CHUK: variants seen among roughly 807,000 people sequenced by gnomAD.
CHUK encodes component of inhibitor of nuclear factor kappa B kinase complex, also known as inhibitor of nuclear factor kappa-B kinase subunit alpha.
Under a neutral mutation model 104.8 loss-of-function variants are expected in CHUK, and 35 were observed. The observed-to-expected ratio is 0.33, with a 90% confidence interval of 0.26 to 0.44. The LOEUF (loss-of-function observed/expected upper bound fraction) is 0.44, where lower values mean the gene tolerates loss of function less well. Among genes scored for constraint, CHUK ranks in the 20% least tolerant of loss-of-function variants. The pLI, the probability that CHUK is intolerant of heterozygous loss-of-function variation, is 1.00. For missense variants in CHUK, 663 were observed against 902.7 expected (o/e 0.73, Z 3.40); for synonymous variants, 276 against 291.9 (o/e 0.95, Z 0.56).
chr10:100,222,191 GA>G lies in CHUK; in HGVS notation c.316-11del. 6.4e-7 allele frequency: 1 copy of G among 1,559,600 alleles called. No homozygotes were observed. ...CTGGTTTGTTGAGCAGCTAAAAAAA[GA>G]AAGAAATCTAAAAATCTGTTCTGCA... is the stretch of plus-strand genomic sequence containing the variant. On this transcript the variant is annotated splice_polypyrimidine_tract_variant and intron_variant, in intron 3 of 20. Transcript: ENST00000370397.
intron 20 of CHUK, 55 bp downstream of exon 20, chr10:100,190,814 A>G: frequency 1.0e-6 from 1 of 989,214 alleles, no homozygotes; most frequent in South Asian, 1.3e-5. Context: ...TGGAAAGTTA[A>G]ACCTTTTGCA....
At chr10:100,205,401 C>T (rs17882978) in intron 11 of CHUK, among the ~76,000 whole-genome samples, 308 of 152,286 alleles carry the variant, frequency 2.0e-3, no homozygotes, top group African/African-American at 7.1e-3. Flanking sequence ...ACTTAAGCCC[C>T]GCTCCACATA....
At chr10:100,227,411 A>G (rs1048562919) in intron 1 of CHUK, among the ~76,000 whole-genome samples, 4 of 151,316 alleles carry the variant, frequency 2.6e-5, no homozygotes, top group African/African-American at 9.9e-5. Context: ...AAAGTGATTA[A>G]TTCATCCATC....
intron 1 of CHUK, 114 bp downstream of exon 1, chr10:100,229,314 A>G: frequency 1.3e-6 from 1 of 789,764 alleles, no homozygotes; most frequent in Non-Finnish European, 2.2e-6. Flanking sequence ...GCCCCCAAAT[A>G]CTGCCCAAGG....
At chr10:100,204,973 T>A (rs1213115262) in intron 12 of CHUK, 103 bp downstream of exon 12, 2 of 1,338,874 alleles carry the variant, frequency 1.5e-6, no homozygotes, top group East Asian at 4.6e-5. Context: ...TGGCCCAGTA[T>A]GTTACTATTA....
intron 2 of CHUK, among the ~76,000 whole-genome samples, chr10:100,225,280 A>ACCTT (rs1335400795): frequency 2.6e-5 from 4 of 152,210 alleles, no homozygotes; most frequent in African/African-American, 9.7e-5. Context: ...CCTCTGGCAA[A>ACCTT]CACCATTCTA....
chr10:100,213,215 T>TC, intron 9 of CHUK, among the ~76,000 whole-genome samples: 1 of 152,134 alleles, frequency 6.6e-6, no homozygotes, highest in East Asian at 1.9e-4. Flanking sequence ...GCGCGGTGGC[T>TC]CACACCTGTA....
At chr10:100,216,825 TA>T (rs1845866492) in intron 9 of CHUK, among the ~76,000 whole-genome samples, 2 of 152,184 alleles carry the variant, frequency 1.3e-5, no homozygotes, top group South Asian at 4.1e-4. Flanking sequence ...AATAATTTAC[TA>T]AGAACCTGAT....
intron 8 of CHUK, 108 bp downstream of exon 8, chr10:100,218,610 C>A: frequency 1.3e-6 from 1 of 777,892 alleles, no homozygotes; most frequent in Non-Finnish European, 2.3e-6. Flanking sequence ...TCTACATCAT[C>A]ACAGAAAGTT....
At chr10:100,192,920 A>C in intron 19 of CHUK, 1 of 240,170 alleles carries the variant, frequency 4.2e-6, no homozygotes, top group Non-Finnish European at 7.6e-6. Flanking sequence ...TTTCTCATAA[A>C]CTGTTAATGA....
chr10:100,227,551 T>C (rs2134255993), intron 1 of CHUK, among the ~76,000 whole-genome samples: 1 of 152,144 alleles, frequency 6.6e-6, no homozygotes, highest in Admixed American at 6.5e-5. Flanking sequence ...CTCCCACTTT[T>C]TTTTTTTTTT....
intron 19 of CHUK, chr10:100,192,518 G>A (rs943110006): frequency 1.4e-6 from 1 of 703,504 alleles, no homozygotes; most frequent in Non-Finnish European, 1.7e-6. Flanking sequence ...AGTACAGAAT[G>A]TGCAACTGCA....
At chr10:100,195,946 AT>A (rs201965940) in intron 16 of CHUK, 14 of 150,792 alleles carry the variant, frequency 9.3e-5, no homozygotes, top group Admixed American at 2.6e-4. Flanking sequence ...GGGAGTCAGA[AT>A]TTTTTTTTTG....
intron 9 of CHUK, among the ~76,000 whole-genome samples, chr10:100,216,312 T>C (rs1465654455): frequency 6.6e-6 from 1 of 152,230 alleles, no homozygotes; most frequent in African/African-American, 2.4e-5. Context: ...TAATTTATTC[T>C]TTGGCACATT....
intron 14 of CHUK, 103 bp from the exon 15 acceptor site, chr10:100,200,883 G>C: frequency 1.4e-6 from 1 of 731,938 alleles, no homozygotes; most frequent in Non-Finnish European, 2.5e-6. Context: ...TGCTTCATTA[G>C]AGAACTAAAT....
At position 100,188,902 on chromosome 10, in the gene CHUK, TTGA is replaced by T. The variant is rs1845131780; in HGVS notation, c.*693_*695del. 6.6e-6 allele frequency: 1 copy of T among 152,194 alleles called. No homozygotes were observed. The highest frequency in any genetic ancestry group is 2.4e-5 in the African/African-American group (1 of 41,456). The allele number at this position is 152,194 out of a possible 1,614,324, so 9.4% of individuals were successfully genotyped here. A position where few individuals can be genotyped will look rare whatever the true frequency, so the allele number is the denominator to read the frequency against. On this transcript the variant is annotated 3_prime_UTR_variant, in exon 21 of 21. Coordinates refer to ENST00000370397, the MANE Select transcript of CHUK (RefSeq NM_001278.5). ...TTATAAATTAACAGGCATCTTCTCT[TTGA>T]TATTATTAAATGTACATCTTAAATA... is the stretch of plus-strand genomic sequence containing the variant.
intron 9 of CHUK, among the ~76,000 whole-genome samples, chr10:100,214,788 G>A (rs957171760): frequency 6.6e-6 from 1 of 152,154 alleles, no homozygotes; most frequent in African/African-American, 2.4e-5. Context: ...AACCTGGCAA[G>A]CTCAAAATTG....
At position 100,214,972 on chromosome 10, in the gene CHUK, T is replaced by C. The variant is rs1400907172; in HGVS notation, c.933+3023A>G. On this transcript the variant is annotated intron_variant, in intron 9 of 20. Transcript: ENST00000370397. ...TTAATGGGCCAGGTGCAGTGGCTCA[T>C]GCCTGTAATCCCAGCACTTTGGAAG... Among the ~76,000 whole-genome samples the C allele has an allele frequency of 7.9e-5, 12 of 152,238 alleles. No homozygotes were observed. In the South Asian group the frequency reaches 2.5e-3, roughly 32 times the overall value.
intron 9 of CHUK, among the ~76,000 whole-genome samples, chr10:100,210,091 ATT>A (rs11436816): frequency 0.022 from 2,694 of 121,774 alleles, 70 homozygotes; most frequent in African/African-American, 0.055. Context: ...TTATTTATTT[ATT>A]TTTTTTTTTT....
Sources: allele counts gnomAD v4.1 joint callset (sites outside exome capture counted in the v4.1 genomes callset), GRCh38; gene constraint gnomAD v4.1.1; transcripts MANE v1.5; gene names NCBI Gene and HGNC (gene_info 2026-07-23, HGNC 2026-07-21).